ZNF345: variants seen among roughly 807,000 people sequenced by gnomAD.
ZNF345 encodes zinc finger protein HZF10.
For synonymous variants in ZNF345, 166 were observed against 187.9 expected, an observed-to-expected ratio of 0.88 and a Z score of 0.95; for missense variants, 527 against 589.9, an observed-to-expected ratio of 0.89 and a Z score of 1.10.
At chr19:36,887,488 T>G (rs2073009077) in intron 3 of ZNF345, among the ~76,000 whole-genome samples, 1 of 152,206 alleles carries the variant, frequency 6.6e-6, no homozygotes, top group Admixed American at 6.5e-5. Context: ...TTTATAATTA[T>G]TCTGTAAATC....
intron 3 of ZNF345, among the ~76,000 whole-genome samples, chr19:36,886,247 G>A (rs1182804232): frequency 1.3e-5 from 2 of 152,090 alleles, no homozygotes; most frequent in East Asian, 1.9e-4. Flanking sequence ...GCATAACCCC[G>A]CTCCTTAAGT....
intron 3 of ZNF345, chr19:36,889,705 T>C (rs2073032500): frequency 6.6e-6 from 1 of 152,184 alleles, no homozygotes; most frequent in African/African-American, 2.4e-5. Context: ...CAGTTTTATC[T>C]TTGCAAAGAA....
At chr19:36,857,051 T>C (rs897420621) in intron 2 of ZNF345, among the ~76,000 whole-genome samples, 19 of 152,278 alleles carry the variant, frequency 1.2e-4, no homozygotes, top group African/African-American at 1.9e-4. Flanking sequence ...GCTATTGATC[T>C]GTGTAACCTG....
At chr19:36,862,093 T>G (rs2072560409) in intron 2 of ZNF345, among the ~76,000 whole-genome samples, 1 of 144,542 alleles carries the variant, frequency 6.9e-6, no homozygotes, top group East Asian at 2.1e-4. Flanking sequence ...ATTCCCGACC[T>G]CAGGTGATCT....
chr19:36,883,295 A>G (rs58248346), downstream of ZNF345, among the ~76,000 whole-genome samples: 52 of 152,316 alleles, frequency 3.4e-4, no homozygotes, highest in African/African-American at 1.2e-3. Context: ...GCTCTTTCCT[A>G]TGTAGCTACT....
chr19:36,869,101 C>T (rs1051188556), intron 2 of ZNF345, among the ~76,000 whole-genome samples: 15 of 152,164 alleles, frequency 9.9e-5, no homozygotes, highest in Non-Finnish European at 2.1e-4. Flanking sequence ...TGTCAGACTC[C>T]ATAGGTTTTA....
At chr19:36,892,870 C>T (rs1445411168) in exon 4 of ZNF345, 2 of 1,157,704 alleles carry the variant, frequency 1.7e-6, no homozygotes, top group Non-Finnish European at 2.2e-6. Flanking sequence ...CGTCGTACAG[C>T]TTGTGGAGCT....
chr19:36,878,190 T>G lies in ZNF345; in HGVS notation c.1360T>G (p.Tyr454Asp). Residue 454 changes from tyrosine to aspartate, a missense_variant, in exon 3 of 3, where the codon TAT becomes GAT. Physicochemically the swap from Tyr to Asp is radical, Grantham distance 160 (BLOSUM62 -3). Transcript: ENST00000420450. ...HQRIHTGEKL[Y>D]ECKNCGKAYG... ...GAGAATTCATACAGGTGAGAAACTT[T>G]ATGAATGTAAGAACTGTGGGAAGGC... is the stretch of plus-strand genomic sequence containing the variant. 6.2e-7 allele frequency: 1 copy of G among 1,614,150 alleles called. No individual in the cohort carries two copies. Among genetic ancestry groups the G allele is most frequent in the Non-Finnish European group, 8.5e-7 (1 of 1,180,004 alleles).
At chr19:36,856,626 C>T (rs969427794) in intron 2 of ZNF345, among the ~76,000 whole-genome samples, 5 of 152,132 alleles carry the variant, frequency 3.3e-5, no homozygotes, top group African/African-American at 4.8e-5. Context: ...GAGGCCGAGG[C>T]AGGCGCATCA....
chr19:36,878,718 C>G lies in ZNF345; in HGVS notation c.*421C>G, dbSNP rs1748600748. On this transcript the variant is annotated 3_prime_UTR_variant, in exon 3 of 3. Transcript: ENST00000420450. The stretch of plus-strand genomic sequence containing the variant: ...TATCCTTTTTTTCTTTCCTGATTAT[C>G]CTAACACCATTTATTCAATAACCTT... 1 of 168,592 alleles carries G rather than the reference C, an allele frequency of 5.9e-6. No homozygotes were observed. The highest frequency in any genetic ancestry group is 2.0e-4 in the South Asian group (1 of 4,884). The allele number at this position is 168,592 out of a possible 1,614,324, so 10.4% of individuals were successfully genotyped here.
chr19:36,884,604 T>A (rs554184681), intron 3 of ZNF345, among the ~76,000 whole-genome samples: 2 of 152,334 alleles, frequency 1.3e-5, no homozygotes, highest in East Asian at 3.9e-4. Context: ...ACTGCCCACA[T>A]AGCTGACCTT....
chr19:36,865,676 T>C (rs1315551429), intron 2 of ZNF345, among the ~76,000 whole-genome samples: 1 of 152,200 alleles, frequency 6.6e-6, no homozygotes, highest in Non-Finnish European at 1.5e-5. Context: ...ATCTTTTGAA[T>C]TTTTCCATAT....
rs373161079 is a variant in ZNF345 at position 36,855,748 on chromosome 19, G to A, written c.-47+3844G>A. On this transcript the variant is annotated intron_variant, in intron 2 of 2. Transcript: ENST00000420450. ...ATTACAGGCGTGAGCCACCGCACCC[G>A]GCCCATGTTTCTTTTTAACTACGCT... 1.0e-3 allele frequency among the ~76,000 whole-genome samples: 27 copies of A among 26,370 alleles called. No individual in the cohort carries two copies. The Admixed American group carries it at 0.011, about 10-fold the overall frequency. The allele number at this position is 26,370 out of a possible 152,430, so 17.3% of individuals were successfully genotyped here.
rs1369704403 is a variant in ZNF345, at chr19:36,892,057, C to T, written c.47-761C>T. 6.2e-7 allele frequency: 1 copy of T among 1,614,002 alleles called. No individual in the cohort carries two copies. The highest frequency in any genetic ancestry group is 8.5e-7 in the Non-Finnish European group (1 of 1,179,960). On this transcript the variant is annotated intron_variant, in intron 3 of 3. Coordinates refer to the ZNF345 transcript ENST00000526123. ...TGAGCAATACTTAAAGGCTTTTCCA[C>T]ATTCCTTACATTCATAGGGTTTCTC...
intron 2 of ZNF345, among the ~76,000 whole-genome samples, chr19:36,852,939 T>C (rs2072317643): frequency 6.6e-6 from 1 of 151,102 alleles, no homozygotes; most frequent in Non-Finnish European, 1.5e-5. Flanking sequence ...ATGTCCCCTT[T>C]TATAAGGTGT....
intron 2 of ZNF345, chr19:36,862,970 C>T (rs531462939): frequency 1.3e-5 from 2 of 152,120 alleles, no homozygotes; most frequent in South Asian, 2.1e-4. Flanking sequence ...GAGGAAAGAC[C>T]ATGTGAGTGC....
intron 2 of ZNF345, among the ~76,000 whole-genome samples, chr19:36,874,907 C>T (rs1043397922): frequency 6.6e-6 from 1 of 152,220 alleles, no homozygotes; most frequent in South Asian, 2.1e-4. Context: ...TTTTGGAAAG[C>T]GTACGGGGAT....
chr19:36,878,283 G>T lies in ZNF345; in HGVS notation c.1453G>T (p.Glu485Ter), dbSNP rs1282313521. 10 of 1,568,940 alleles carry T rather than the reference G, an allele frequency of 6.4e-6. No individual in the cohort carries two copies. The highest frequency in any genetic ancestry group is 7.7e-6 in the Non-Finnish European group (9 of 1,161,646). The change falls in exon 3 of 3, where the codon GAA (glutamate) becomes TAA (stop). Residue 485 changes from glutamate (E) to a stop codon, truncating the protein, a stop_gained. Coordinates refer to ENST00000420450, the MANE Select transcript of ZNF345 (RefSeq NM_001242472.2). LOFTEE classifies it high-confidence loss of function. ...TAATGGTAAGAAACTCTGCGAATTG[G>T]AAACTATAAATTGAAATTATGTGCT... ...SHNGKKLCEL[E>*]TIN
intron 2 of ZNF345, among the ~76,000 whole-genome samples, chr19:36,871,648 G>A (rs2072773199): frequency 6.6e-6 from 1 of 151,910 alleles, no homozygotes; most frequent in South Asian, 2.1e-4. Context: ...TGTTTTACTT[G>A]GGTATGTGTT....
Sources: allele counts gnomAD v4.1 joint callset (sites outside exome capture counted in the v4.1 genomes callset), GRCh38; gene constraint gnomAD v4.1.1; transcripts MANE v1.5; gene names NCBI Gene and HGNC (gene_info 2026-07-23, HGNC 2026-07-21).